Variants in LRRC37A2 observed in about 807,000 individuals in gnomAD.
LRRC37A2 encodes leucine rich repeat containing 37 member A2.
A neutral mutation model predicts 68.8 loss-of-function variants in LRRC37A2; 9 were observed. That is an observed-to-expected ratio of 0.13 (90% CI 0.08 to 0.23). The LOEUF is 0.23. LRRC37A2 is among the 10% of genes least tolerant of loss of function. LRRC37A2 has a pLI of 1.00. For synonymous variants in LRRC37A2, 63 were observed against 367.6 expected (o/e 0.17, Z 9.48); for missense variants, 168 against 950.4 (o/e 0.18, Z 10.82).
chr17:46,940,034 G>T, the LRRC37A2 span: 2 of 1,049,502 alleles, frequency 1.9e-6, no homozygotes, highest in Non-Finnish European at 2.3e-6. Context: ...ACCTTTGGTT[G>T]TCCTGCCCTA....
chr17:47,021,598 T>G, the LRRC37A2 span: 1 of 534,822 alleles, frequency 1.9e-6, no homozygotes, highest in South Asian at 2.1e-5. Context: ...AGTAATTAAC[T>G]GGCATCATCT....
At chr17:46,398,440 ACAGAATTGTAAAGAGTT>A in the LRRC37A2 span, among the ~76,000 whole-genome samples, 2 of 150,586 alleles carry the variant, frequency 1.3e-5, no homozygotes, top group Non-Finnish European at 3.0e-5. Context: ...AAAGAGTTTT[ACAGAATTGTAAAGAGTT>A]CAGAATTGTA....
At chr17:46,866,752 C>G in the LRRC37A2 span, among the ~76,000 whole-genome samples, 2 of 152,114 alleles carry the variant, frequency 1.3e-5, no homozygotes, top group Non-Finnish European at 2.9e-5. Context: ...CTGGCATTAC[C>G]TGGTGCCCTA....
At chr17:47,025,010 T>C in the LRRC37A2 span, among the ~76,000 whole-genome samples, 1 of 151,328 alleles carries the variant, frequency 6.6e-6, no homozygotes, top group Non-Finnish European at 1.5e-5. Flanking sequence ...CATATGAACC[T>C]TGTTTTATAA....
chr17:47,013,365 A>G, the LRRC37A2 span, among the ~76,000 whole-genome samples: 2 of 152,370 alleles, frequency 1.3e-5, no homozygotes, highest in South Asian at 2.1e-4. Context: ...TTATATCTCA[A>G]TAAAGCTGTT....
the LRRC37A2 span, among the ~76,000 whole-genome samples, chr17:46,739,005 G>A: frequency 6.6e-6 from 1 of 151,918 alleles, no homozygotes; most frequent in African/African-American, 2.4e-5. Flanking sequence ...GGAGGCCAAG[G>A]CAGGAGGATC....
At chr17:46,821,335 C>G in the LRRC37A2 span, 2 of 152,270 alleles carry the variant, frequency 1.3e-5, no homozygotes, top group African/African-American at 4.8e-5. Context: ...GAGCCTGAGT[C>G]CCTTCCTTTC....
the LRRC37A2 span, among the ~76,000 whole-genome samples, chr17:46,835,991 T>C: frequency 6.6e-6 from 1 of 151,992 alleles, no homozygotes; most frequent in Admixed American, 6.6e-5. Flanking sequence ...CCCTGGACCT[T>C]AAAGTTATTG....
the LRRC37A2 span, among the ~76,000 whole-genome samples, chr17:46,745,326 TG>T: frequency 6.6e-6 from 1 of 152,360 alleles, no homozygotes; most frequent in East Asian, 1.9e-4. Context: ...AATTTGGTAA[TG>T]TTTTTCAATG....
chr17:46,931,397 AG>A, the LRRC37A2 span: 1 of 614,476 alleles, frequency 1.6e-6, no homozygotes, highest in South Asian at 2.0e-5. Flanking sequence ...ATAGCCTGTG[AG>A]GTTTGTGACT....
At chr17:46,861,050 G>T in the LRRC37A2 span, among the ~76,000 whole-genome samples, 1 of 152,166 alleles carries the variant, frequency 6.6e-6, no homozygotes, top group Non-Finnish European at 1.5e-5. Context: ...AGGTGTGCGT[G>T]TTGGGGGGAA....
chr17:47,012,848 T>A, the LRRC37A2 span, among the ~76,000 whole-genome samples: 1 of 152,216 alleles, frequency 6.6e-6, no homozygotes, highest in Non-Finnish European at 1.5e-5. Flanking sequence ...GGTTACCCCA[T>A]GACCCAGCAA....
At chr17:46,903,234 T>C in the LRRC37A2 span, among the ~76,000 whole-genome samples, 2 of 151,768 alleles carry the variant, frequency 1.3e-5, no homozygotes, top group Admixed American at 1.3e-4. Context: ...TGAGCCAAGA[T>C]TGCACTATTG....
the LRRC37A2 span, chr17:46,940,190 T>G: frequency 1.5e-6 from 2 of 1,378,492 alleles, no homozygotes; most frequent in Non-Finnish European, 1.9e-6. Flanking sequence ...ATAGCTCCCC[T>G]TTGGTAAGTT....
chr17:47,007,996 A>T, the LRRC37A2 span: 5 of 152,208 alleles, frequency 3.3e-5, no homozygotes, highest in African/African-American at 9.6e-5. Flanking sequence ...ATTGGCAATG[A>T]GGTGGTCATT....
At chr17:46,763,837 A>AG in the LRRC37A2 span, 1 of 143,582 alleles carries the variant, frequency 7.0e-6, no homozygotes, top group Non-Finnish European at 1.5e-5. Context: ...CCACCAAAAA[A>AG]AAAAAAAAAC....
At chr17:46,794,754 T>TC in the LRRC37A2 span, among the ~76,000 whole-genome samples, 5 of 34,718 alleles carry the variant, frequency 1.4e-4, no homozygotes, top group African/African-American at 4.9e-4. Flanking sequence ...TTCTTTTTCT[T>TC]TTTTTTTTTT....
chr17:46,771,467 G>C, the LRRC37A2 span, among the ~76,000 whole-genome samples: 1 of 149,818 alleles, frequency 6.7e-6, no homozygotes, highest in African/African-American at 2.4e-5. Flanking sequence ...GCCCCGGGCC[G>C]CGCTGGGTTC....
the LRRC37A2 span, chr17:47,019,896 C>T: frequency 4.0e-6 from 3 of 741,426 alleles, no homozygotes; most frequent in African/African-American, 3.6e-5. Context: ...CTCCCCAAGC[C>T]ATATGGACAA....
Sources: allele counts gnomAD v4.1 joint callset (sites outside exome capture counted in the v4.1 genomes callset), GRCh38; gene constraint gnomAD v4.1.1; transcripts MANE v1.5; gene names NCBI Gene and HGNC (gene_info 2026-07-23, HGNC 2026-07-21).